TMEM245: variants seen among roughly 807,000 people sequenced by gnomAD.
The protein encoded by TMEM245 is transmembrane protein 245.
In TMEM245, 69 loss-of-function variants were observed where a neutral mutation model predicts 101.2. The ratio of observed to expected loss-of-function variants is 0.68; its 90% CI spans 0.56 to 0.83. The LOEUF (loss-of-function observed/expected upper bound fraction) is 0.83. Ranked by LOEUF, TMEM245 falls within the 40% of genes least tolerant of loss-of-function variation. The pLI, the probability that TMEM245 is intolerant of heterozygous loss-of-function variation, is 0.00. For synonymous variants in TMEM245, 537 were observed against 449.8 expected (o/e 1.19, Z -2.45); for missense variants, 1,075 against 1,092.8 (o/e 0.98, Z 0.23).
intron 1 of TMEM245, among the ~76,000 whole-genome samples, chr9:109,111,237 A>G (rs1361150006): frequency 6.6e-6 from 1 of 152,200 alleles, no homozygotes; most frequent in Non-Finnish European, 1.5e-5. Context: ...GCTCAGTAAA[A>G]GGACAGGTTT....
At chr9:109,078,676 T>C (rs1317138670) in intron 8 of TMEM245, among the ~76,000 whole-genome samples, 1 of 152,256 alleles carries the variant, frequency 6.6e-6, no homozygotes, top group Non-Finnish European at 1.5e-5. Context: ...ATTTTCTTTT[T>C]ATCTTTGTCT....
At chr9:109,044,740 A>G (rs193108438) in intron 14 of TMEM245, among the ~76,000 whole-genome samples, 73 of 150,120 alleles carry the variant, frequency 4.9e-4, no homozygotes, top group African/African-American at 1.6e-3. Flanking sequence ...CATATCCATC[A>G]TCTTGATCAT....
chr9:109,072,224 G>C (rs1307348998), intron 9 of TMEM245, among the ~76,000 whole-genome samples: 3 of 149,800 alleles, frequency 2.0e-5, no homozygotes, highest in Non-Finnish European at 4.4e-5. Flanking sequence ...TCTCTTATCT[G>C]TAAACACTGT....
chr9:109,115,275 C>T (rs1225509194), intron 1 of TMEM245, among the ~76,000 whole-genome samples: 1 of 151,858 alleles, frequency 6.6e-6, no homozygotes, highest in East Asian at 1.9e-4. Flanking sequence ...ACCGGGGAGG[C>T]AGAGCTTGCA....
intron 3 of TMEM245, among the ~76,000 whole-genome samples, chr9:109,102,459 T>C (rs1830304108): frequency 6.6e-6 from 1 of 152,194 alleles, no homozygotes. Context: ...CCTGTACAAA[T>C]ACACCAGAGT....
chr9:109,107,145 TG>T (rs993536605), intron 2 of TMEM245, among the ~76,000 whole-genome samples: 3 of 151,908 alleles, frequency 2.0e-5, no homozygotes, highest in Admixed American at 6.6e-5. Flanking sequence ...CCCAGCACTT[TG>T]GGGGGCTGAG....
chr9:109,077,998 G>A (rs1270062851), intron 8 of TMEM245, among the ~76,000 whole-genome samples: 1 of 152,108 alleles, frequency 6.6e-6, no homozygotes, highest in Non-Finnish European at 1.5e-5. Flanking sequence ...TGTTGTTCCT[G>A]CACTGCCTTT....
Position 109,106,507 on chromosome 9 carries a change from C to T in TMEM245, c.799+1G>A. On this transcript the variant is annotated splice_donor_variant, in intron 3 of 17. Transcript: ENST00000374586. LOFTEE classifies it high-confidence loss of function. ...TATTAATAGAATGCCCTATTTCTTA[C>T]CAGAAGACTCTTTTCCATTCTGTTT... The T allele has an allele frequency of 6.2e-7, 1 of 1,600,194 alleles. No individual in the cohort carries two copies. Among genetic ancestry groups the T allele is most frequent in the Non-Finnish European group, 8.5e-7 (1 of 1,170,698 alleles).
At chr9:109,118,421 C>T (rs1830787373) in intron 1 of TMEM245, among the ~76,000 whole-genome samples, 1 of 152,222 alleles carries the variant, frequency 6.6e-6, no homozygotes, top group Non-Finnish European at 1.5e-5. Context: ...AATTGGCATT[C>T]TTACGCACTA....
chr9:109,055,516 T>G (rs1828804004), intron 12 of TMEM245, among the ~76,000 whole-genome samples: 1 of 152,216 alleles, frequency 6.6e-6, no homozygotes, highest in Admixed American at 6.5e-5. Flanking sequence ...CAGAAGTCAT[T>G]TTAAATATTT....
At chr9:109,046,890 G>A (rs1459394917) in intron 14 of TMEM245, among the ~76,000 whole-genome samples, 1 of 152,120 alleles carries the variant, frequency 6.6e-6, no homozygotes, top group African/African-American at 2.4e-5. Context: ...CTTAGAAAGA[G>A]AACTCACTAC....
intron 1 of TMEM245, among the ~76,000 whole-genome samples, chr9:109,111,587 T>C (rs1830568904): frequency 6.6e-6 from 1 of 152,168 alleles, no homozygotes; most frequent in Admixed American, 6.5e-5. Context: ...ACTCCCCAAT[T>C]CTACTTTTAG....
intron 1 of TMEM245, among the ~76,000 whole-genome samples, chr9:109,112,227 T>C (rs1830584638): frequency 6.6e-6 from 1 of 152,084 alleles, no homozygotes; most frequent in Admixed American, 6.6e-5. Flanking sequence ...AGAAAAAAGA[T>C]TTATACTGTA....
rs747833970 is a variant in TMEM245 at position 109,064,545 on chromosome 9, C to A, written c.1555G>T (p.Val519Phe). 6.8e-6 allele frequency: 11 copies of A among 1,613,828 alleles called. No individual in the cohort carries two copies. Among genetic ancestry groups the A allele is most frequent in the Non-Finnish European group, 9.3e-6 (11 of 1,179,816 alleles). ...GCCGCAGAATTCAGGGCTCTTTGGA[C>A]TACCTGAGCCTCAGGAAGCCAACTA... The part of the protein sequence containing the change: ...WANWLPEAQV[V>F]QRALNSAANN... Residue 519 changes from valine (V) to phenylalanine (F), a missense_variant, in exon 10 of 18, where the codon GTC becomes TTC. By Grantham distance (50) the Val-to-Phe change is conservative. Around this residue, in one of 2 missense-constraint regions of TMEM245, gnomAD observed 808 missense variants for 741.5 expected, o/e 1.09. Coordinates refer to ENST00000374586, the MANE Select transcript of TMEM245 (RefSeq NM_032012.4).
chr9:109,096,392 G>A (rs1426138109), intron 3 of TMEM245, among the ~76,000 whole-genome samples: 2 of 152,166 alleles, frequency 1.3e-5, no homozygotes, highest in Non-Finnish European at 1.5e-5. Context: ...CAGGAGAATC[G>A]CTTGAACCCA....
Position 109,060,353 on chromosome 9 carries a change from C to T in TMEM245, c.1722+1G>A, listed in dbSNP as rs1322915521. ...AGGAAACTTTAGCTAAAATAACTTACCTTTACAAACCAAGAGTGATACAGT... is the reference window on the plus strand; with the variant it reads ...AGGAAACTTTAGCTAAAATAACTTATCTTTACAAACCAAGAGTGATACAGT... On this transcript the variant is annotated splice_donor_variant, in intron 11 of 17. Coordinates refer to ENST00000374586, the MANE Select transcript of TMEM245 (RefSeq NM_032012.4). LOFTEE classifies it high-confidence loss of function. The T allele has an allele frequency of 1.2e-6, 2 of 1,606,348 alleles. No individual in the cohort carries two copies. The highest frequency in any genetic ancestry group is 1.7e-6 in the Non-Finnish European group (2 of 1,176,488).
At chr9:109,077,589 T>TTTTA (rs1438240868) in intron 8 of TMEM245, among the ~76,000 whole-genome samples, 3 of 152,234 alleles carry the variant, frequency 2.0e-5, no homozygotes, top group Non-Finnish European at 4.4e-5. Flanking sequence ...ATTTCATGTA[T>TTTTA]TTTAGAGCTC....
intron 4 of TMEM245, among the ~76,000 whole-genome samples, chr9:109,091,872 T>C (rs1830016024): frequency 6.6e-6 from 1 of 152,176 alleles, no homozygotes; most frequent in Non-Finnish European, 1.5e-5. Flanking sequence ...GTAGTATTAC[T>C]CTATATATAC....
rs1004156240 is a variant in TMEM245, at chr9:109,119,897, C to T, written c.17G>A (p.Gly6Asp). 1.6e-6 allele frequency: 2 copies of T among 1,272,060 alleles called. No homozygotes were observed. Among genetic ancestry groups the T allele is most frequent in the Admixed American group, 4.1e-5 (1 of 24,452 alleles). The allele number at this position is 1,272,060 out of a possible 1,614,324, so 78.8% of individuals were successfully genotyped here. A position where few individuals can be genotyped will look rare whatever the true frequency, so the allele number is the denominator to read the frequency against. The change falls in exon 1 of 18, where the codon GGC becomes GAC. Residue 6 changes from glycine to aspartate, a missense_variant. Transcript: ENST00000374586. MADGG[G>D]PKDAPSLRSS... ...CCGCAGGCTTGGCGCGTCCTTAGGGCCGCCGCCGTCGGCCATCGTTCCTCC... is the reference window on the plus strand; with the variant it reads ...CCGCAGGCTTGGCGCGTCCTTAGGGTCGCCGCCGTCGGCCATCGTTCCTCC...
Sources: gnomAD v4.1 joint callset for allele counts (sites outside exome capture counted in the v4.1 genomes callset) on GRCh38, gnomAD v4.1.1 for gene constraint, gnomAD v4.1.1 regional missense constraint, MANE v1.5 for transcripts, NCBI Gene and HGNC (gene_info 2026-07-23, HGNC 2026-07-21) for gene names.